BTD: variants seen among roughly 807,000 people sequenced by gnomAD.
BTD encodes the protein biotinidase, also known as biocytinase.
BTD carries 13 observed loss-of-function variants against 17.7 expected under a neutral mutation model. The ratio of observed to expected loss-of-function variants is 0.74; its 90% CI spans 0.48 to 1.17. The LOEUF (loss-of-function observed/expected upper bound fraction) is 1.17. BTD is among the 50% of genes most tolerant of loss of function. The pLI, the probability that BTD is intolerant of heterozygous loss-of-function variation, is 0.00. For missense variants in BTD, 674 were observed against 650.4 expected, an observed-to-expected ratio of 1.04 and a Z score of -0.39; for synonymous variants, 240 against 245.2, an observed-to-expected ratio of 0.98 and a Z score of 0.20.
rs1304343180 is a variant in BTD, at chr3:15,652,449, A to G, written c.*6961A>G. On this transcript the variant is annotated 3_prime_UTR_variant, in exon 4 of 4. Transcript: ENST00000643237. The stretch of plus-strand genomic sequence containing the variant: ...TATGGACAGACCCATTTGGCAAGGA[A>G]CAGCCACCAGCTAGCTGCATGAGCG... 6.6e-6 allele frequency among the ~76,000 whole-genome samples: 1 copy of G among 152,178 alleles called. No homozygotes were observed. The highest frequency in any genetic ancestry group is 1.5e-5 in the Non-Finnish European group (1 of 68,016).
At chr3:15,616,489 G>A (rs538526405) in intron 1 of BTD, among the ~76,000 whole-genome samples, 10 of 152,076 alleles carry the variant, frequency 6.6e-5, no homozygotes, top group Admixed American at 3.3e-4. Flanking sequence ...GGTGGCAGGC[G>A]CCTGTAATCC....
At chr3:15,640,235 A>G (rs370885093) in intron 2 of BTD, among the ~76,000 whole-genome samples, 2 of 152,250 alleles carry the variant, frequency 1.3e-5, no homozygotes, top group South Asian at 2.1e-4. Context: ...TAATTATGCA[A>G]TAAGTGTTTT....
intron 3 of BTD, among the ~76,000 whole-genome samples, chr3:15,674,153 CAG>C (rs1450986821): frequency 9.5e-6 from 1 of 105,494 alleles, no homozygotes; most frequent in Non-Finnish European, 1.7e-5. Flanking sequence ...GTCTGGGCAA[CAG>C]AGTGAGACCC....
intron 1 of BTD, among the ~76,000 whole-genome samples, chr3:15,616,908 C>T (rs1247818138): frequency 1.3e-5 from 2 of 152,108 alleles, no homozygotes; most frequent in African/African-American, 4.8e-5. Context: ...TCTCGGCTCA[C>T]TGCAACCTCC....
chr3:15,686,227 A>T, intron 3 of BTD: 1 of 1,591,296 alleles, frequency 6.3e-7, no homozygotes, highest in South Asian at 1.1e-5. Flanking sequence ...CTTACTGTCC[A>T]TTTCCATCTT....
chr3:15,628,903 C>A (rs2065134235), intron 1 of BTD, among the ~76,000 whole-genome samples: 1 of 152,052 alleles, frequency 6.6e-6, no homozygotes, highest in Non-Finnish European at 1.5e-5. Context: ...CATATTGCCC[C>A]CCACCTTTTT....
chr3:15,608,536 G>A (rs1308187825), intron 1 of BTD, among the ~76,000 whole-genome samples: 1 of 152,154 alleles, frequency 6.6e-6, no homozygotes, highest in Non-Finnish European at 1.5e-5. Context: ...GGGAGGCCAA[G>A]GCAGGCGGAT....
intron 4 of BTD, among the ~76,000 whole-genome samples, chr3:15,721,486 G>C (rs1320456009): frequency 3.3e-5 from 5 of 152,078 alleles, no homozygotes; most frequent in Admixed American, 3.3e-4. Flanking sequence ...CATAAAAAAT[G>C]AACACAAACT....
chr3:15,697,520 T>G (rs76339484), intron 3 of BTD: 6 of 152,240 alleles, frequency 3.9e-5, no homozygotes, highest in Admixed American at 3.3e-4. Flanking sequence ...GTTTTTTTTT[T>G]GCCATTGGTT....
chr3:15,686,163 G>C (rs545914309), intron 3 of BTD: 137 of 1,599,246 alleles, frequency 8.6e-5, no homozygotes, highest in Non-Finnish European at 1.1e-4. Flanking sequence ...ACTTAAGACT[G>C]TACTCTGGTT....
intron 3 of BTD, among the ~76,000 whole-genome samples, chr3:15,666,658 G>T (rs569379067): frequency 4.8e-4 from 72 of 150,074 alleles, no homozygotes; most frequent in South Asian, 1.3e-3. Context: ...AATCTTGTAC[G>T]TGTTTCCAAT....
chr3:15,722,232 T>C (rs901975508), exon 5 of BTD, among the ~76,000 whole-genome samples: 1 of 152,168 alleles, frequency 6.6e-6, no homozygotes, highest in Non-Finnish European at 1.5e-5. Context: ...ATCATGTATT[T>C]GGAGACTGAA....
At chr3:15,678,906 A>G (rs2067234391) in intron 3 of BTD, among the ~76,000 whole-genome samples, 1 of 152,224 alleles carries the variant, frequency 6.6e-6, no homozygotes, top group Non-Finnish European at 1.5e-5. Context: ...AACTTTTAAT[A>G]ATGGGTTTTC....
At chr3:15,614,464 A>G (rs1267131973) in intron 1 of BTD, among the ~76,000 whole-genome samples, 1 of 151,512 alleles carries the variant, frequency 6.6e-6, no homozygotes, top group African/African-American at 2.4e-5. Context: ...GGAACATCAT[A>G]TATGTCTTCC....
chr3:15,635,517 G>A lies in BTD; in HGVS notation c.78G>A (p.Glu26=), dbSNP rs759354648. The change falls in exon 2 of 4, where the codon GAG becomes GAA. Residue 26 remains glutamate, a synonymous_variant. Coordinates refer to ENST00000643237, the MANE Select transcript of BTD (RefSeq NM_001370658.1). The surrounding 1 kb of genome is among the most constrained non-coding windows in gnomAD (Gnocchi z 4.1). ...TTGCCCTGGGAGCCCACACCGGGGAGGAGAGCGTGGCTGACCATCACGAGG... is the reference window on the plus strand; with the variant it reads ...TTGCCCTGGGAGCCCACACCGGGGAAGAGAGCGTGGCTGACCATCACGAGG... ...YVVALGAHTG[E]ESVADHHEAE... The A allele has an allele frequency of 6.2e-7, 1 of 1,614,180 alleles. No homozygotes were observed. Among genetic ancestry groups the A allele is most frequent in the South Asian group, 1.1e-5 (1 of 91,082 alleles).
At chr3:15,670,593 T>A (rs1177606731) in intron 3 of BTD, 1 of 1,579,396 alleles carries the variant, frequency 6.3e-7, no homozygotes, top group Admixed American at 1.8e-5. Context: ...TTAAGCATCC[T>A]GAGATGTATT....
chr3:15,660,612 G>T (rs1309908568), intron 3 of BTD, among the ~76,000 whole-genome samples: 2 of 152,254 alleles, frequency 1.3e-5, no homozygotes, highest in Non-Finnish European at 2.9e-5. Flanking sequence ...CCGGACATAT[G>T]ACTCCATTTA....
intron 2 of BTD, among the ~76,000 whole-genome samples, chr3:15,636,218 C>T (rs531001347): frequency 2.0e-5 from 3 of 152,314 alleles, no homozygotes; most frequent in African/African-American, 7.2e-5. Flanking sequence ...CGAAGCTTCA[C>T]TGAAGTAGTA....
chr3:15,699,772 T>C (rs1370367649), intron 3 of BTD, among the ~76,000 whole-genome samples: 2 of 152,204 alleles, frequency 1.3e-5, no homozygotes, highest in African/African-American at 4.8e-5. Flanking sequence ...TAGGCATGCT[T>C]TTACACTGTC....
Sources: gnomAD v4.1 joint callset for allele counts (sites outside exome capture counted in the v4.1 genomes callset) on GRCh38, gnomAD v4.1.1 for gene constraint, Gnocchi (gnomAD v3.1) non-coding constraint, MANE v1.5 for transcripts, NCBI Gene and HGNC (gene_info 2026-07-23, HGNC 2026-07-21) for gene names.